The following CRTC3 variants were observed in gnomAD, a reference collection of about 807,000 sequenced individuals.
The protein encoded by CRTC3 is CREB-regulated transcription coactivator 3.
CRTC3 carries 26 observed loss-of-function variants against 74.5 expected under a neutral mutation model. The ratio of observed to expected loss-of-function variants is 0.35; its 90% CI spans 0.26 to 0.48. CRTC3 has a LOEUF of 0.48. Ranked by LOEUF, CRTC3 falls within the 20% of genes least tolerant of loss-of-function variation. The pLI is 0.99. For missense variants in CRTC3, 760 were observed against 787.3 expected, an observed-to-expected ratio of 0.97 and a Z score of 0.41; for synonymous variants, 377 against 325.8, an observed-to-expected ratio of 1.16 and a Z score of -1.69.
rs1254786282 is a variant in CRTC3, at chr15:90,629,456, C to A, written c.1190C>A (p.Pro397His). ...CCCGTCAGCCCTCTCACGCTTTCTC[C>A]TGGCCCTGAAGCACATCAAGGTTTC... ...QPPVSPLTLS[P>H]GPEAHQGFSR... Residue 397 changes from proline (P) to histidine (H), a missense_variant, in exon 11 of 15, where the codon CCT becomes CAT. Physicochemically the swap from Pro to His is moderately conservative, Grantham distance 77. Coordinates refer to ENST00000268184, the MANE Select transcript of CRTC3 (RefSeq NM_022769.5). 5 of 1,614,160 alleles carry A rather than the reference C, an allele frequency of 3.1e-6. No homozygotes were observed. Among genetic ancestry groups the A allele is most frequent in the African/African-American group, 1.3e-5 (1 of 75,032 alleles).
At chr15:90,571,863 T>C (rs1967274875) in intron 2 of CRTC3, among the ~76,000 whole-genome samples, 1 of 152,088 alleles carries the variant, frequency 6.6e-6, no homozygotes, top group South Asian at 2.1e-4. Context: ...ATAACTCCCA[T>C]CTTAAAAGCA....
At chr15:90,606,743 CAAA>C (rs962688931) in intron 5 of CRTC3, 1 of 151,936 alleles carries the variant, frequency 6.6e-6, no homozygotes, top group East Asian at 1.9e-4. Flanking sequence ...AAAAGAAACA[CAAA>C]AAAAGTATTG....
At chr15:90,560,915 C>T (rs898107179) in intron 2 of CRTC3, among the ~76,000 whole-genome samples, 11 of 152,164 alleles carry the variant, frequency 7.2e-5, no homozygotes, top group African/African-American at 2.4e-4. Context: ...TTTTCTTGAT[C>T]AAGCAATTTA....
chr15:90,622,797 G>A (rs1444389763), intron 9 of CRTC3, among the ~76,000 whole-genome samples: 1 of 150,076 alleles, frequency 6.7e-6, no homozygotes, highest in Non-Finnish European at 1.5e-5. Context: ...GTTGCAGTGA[G>A]CCAAGATCGC....
At chr15:90,551,870 G>A (rs537928745) in intron 2 of CRTC3, among the ~76,000 whole-genome samples, 9 of 152,388 alleles carry the variant, frequency 5.9e-5, no homozygotes, top group African/African-American at 2.2e-4. Flanking sequence ...AAAATGTGGC[G>A]GTTCCTCTGA....
chr15:90,576,077 G>A (rs1967397088), intron 2 of CRTC3, among the ~76,000 whole-genome samples: 1 of 152,064 alleles, frequency 6.6e-6, no homozygotes, highest in Non-Finnish European at 1.5e-5. Flanking sequence ...TAGATGAGGA[G>A]TTGAGGATAG....
rs770375106 is a variant in CRTC3, at chr15:90,645,068, T to C, written c.*2928T>C. 1.3e-5 allele frequency: 3 copies of C among 230,822 alleles called. No homozygotes were observed. Among genetic ancestry groups the C allele is most frequent in the Non-Finnish European group, 2.6e-5 (3 of 116,564 alleles). 14.3% of individuals were successfully genotyped at this position (230,822 alleles called of 1,614,324 possible). On this transcript the variant is annotated 3_prime_UTR_variant, in exon 15 of 15. Coordinates refer to ENST00000268184, the MANE Select transcript of CRTC3 (RefSeq NM_022769.5). ...CTGTATATTACCTGAGCTGGTGTTG[T>C]ATCTTCAAGTCCATATGCGTATTTG...
chr15:90,599,621 A>G (rs1371692836), intron 3 of CRTC3: 1 of 152,250 alleles, frequency 6.6e-6, no homozygotes, highest in Non-Finnish European at 1.5e-5. Context: ...AAGAGAGCTC[A>G]GAGGTCACAT....
chr15:90,575,671 C>T (rs937071830), intron 2 of CRTC3, among the ~76,000 whole-genome samples: 2 of 152,060 alleles, frequency 1.3e-5, no homozygotes, highest in East Asian at 1.9e-4. Flanking sequence ...TATTAATCTG[C>T]GTGTCTATTC....
At chr15:90,580,318 T>C (rs1362337290) in intron 2 of CRTC3, among the ~76,000 whole-genome samples, 1 of 152,172 alleles carries the variant, frequency 6.6e-6, no homozygotes, top group Non-Finnish European at 1.5e-5. Context: ...CTCCTAAGGC[T>C]CACAGAGTGG....
intron 9 of CRTC3, among the ~76,000 whole-genome samples, chr15:90,621,091 G>A (rs1350705278): frequency 6.6e-6 from 1 of 152,140 alleles, no homozygotes; most frequent in African/African-American, 2.4e-5. Flanking sequence ...CATGGAAGGG[G>A]CAAGCTTTTC....
intron 2 of CRTC3, among the ~76,000 whole-genome samples, chr15:90,590,316 A>C (rs553261689): frequency 1.3e-5 from 2 of 152,074 alleles, no homozygotes; most frequent in African/African-American, 4.8e-5. Context: ...TAAAATAAAT[A>C]AAAGAAAATA....
intron 2 of CRTC3, among the ~76,000 whole-genome samples, chr15:90,587,400 CAT>C (rs1967690983): frequency 6.6e-6 from 1 of 152,182 alleles, no homozygotes; most frequent in Non-Finnish European, 1.5e-5. Flanking sequence ...TAGCATTAGC[CAT>C]GTCACTCCCC....
At chr15:90,619,971 A>G (rs1156715615) in intron 9 of CRTC3, 181 bp downstream of exon 9, 2 of 591,390 alleles carry the variant, frequency 3.4e-6, no homozygotes, top group Non-Finnish European at 6.0e-6. Context: ...TGTTTAAACT[A>G]ATTAAATTAC....
intron 2 of CRTC3, among the ~76,000 whole-genome samples, chr15:90,570,596 C>T (rs1163900527): frequency 2.6e-5 from 4 of 152,110 alleles, no homozygotes; most frequent in Non-Finnish European, 4.4e-5. Flanking sequence ...ACCCAGCCGG[C>T]TGTAAACAAA....
intron 2 of CRTC3, among the ~76,000 whole-genome samples, chr15:90,571,367 A>G (rs1246538723): frequency 2.0e-5 from 3 of 152,190 alleles, no homozygotes; most frequent in Admixed American, 2.0e-4. Context: ...TGAGGGCTAT[A>G]TAACTGAAGA....
At chr15:90,634,414 G>T (rs535315989) in intron 11 of CRTC3, among the ~76,000 whole-genome samples, 1 of 152,248 alleles carries the variant, frequency 6.6e-6, no homozygotes, top group Non-Finnish European at 1.5e-5. Context: ...CGCCAGCCTT[G>T]TTATCTTGTT....
rs189754681 is a variant in CRTC3, at chr15:90,536,537, C to A, written c.133-3502C>A. Among the ~76,000 whole-genome samples, 3 of 151,820 alleles carry A rather than the reference C, an allele frequency of 2.0e-5. No homozygotes were observed. In the South Asian group the frequency reaches 6.2e-4, roughly 32 times the overall value. ...TGACTATTCTAGGTCATTTGCACAT[C>A]CATAAATTTTAGAATTATCTTGTCA... On this transcript the variant is annotated intron_variant, in intron 1 of 14. Transcript: ENST00000268184.
intron 2 of CRTC3, among the ~76,000 whole-genome samples, chr15:90,550,425 A>G (rs903684485): frequency 5.0e-5 from 7 of 139,652 alleles, no homozygotes; most frequent in Admixed American, 1.5e-4. Flanking sequence ...AAAAAAAATC[A>G]TTTCCCTTAT....
Sources: gnomAD v4.1 joint callset for allele counts (sites outside exome capture counted in the v4.1 genomes callset) on GRCh38, gnomAD v4.1.1 for gene constraint, MANE v1.5 for transcripts, NCBI Gene and HGNC (gene_info 2026-07-23, HGNC 2026-07-21) for gene names.